CDC25C: variants seen among roughly 807,000 people sequenced by gnomAD.
CDC25C encodes the protein M-phase inducer phosphatase 3.
Under a neutral mutation model 52.5 loss-of-function variants are expected in CDC25C, and 48 were observed. That is an observed-to-expected ratio of 0.91 (90% CI 0.72 to 1.16). The LOEUF (loss-of-function observed/expected upper bound fraction) is 1.16. Among genes scored for constraint, CDC25C ranks in the 50% most tolerant of loss-of-function variants. The probability of loss-of-function intolerance (pLI) is 0.00; values close to 1 mark genes in which losing one functional copy is unlikely to be tolerated. For synonymous variants in CDC25C, 187 were observed against 206.5 expected, an observed-to-expected ratio of 0.91 and a Z score of 0.81; for missense variants, 510 against 566.1, an observed-to-expected ratio of 0.90 and a Z score of 1.01.
chr5:138,338,154 ATGGGTGGCT>A (rs1269565498), exon 1 of CDC25C: 54 of 1,289,626 alleles, frequency 4.2e-5, no homozygotes, highest in Non-Finnish European at 4.6e-5. Flanking sequence ...TGCGCCCTCC[ATGGGTGGCT>A]TGGGGGGATT....
At chr5:138,318,796 C>T (rs1580788726) in intron 7 of CDC25C, among the ~76,000 whole-genome samples, 1 of 152,192 alleles carries the variant, frequency 6.6e-6, no homozygotes, top group African/African-American at 2.4e-5. Flanking sequence ...GTACTTGAGT[C>T]TTTATATACC....
chr5:138,290,607 C>G (rs370236779), intron 9 of CDC25C, 32 bp downstream of exon 9: 2 of 1,187,592 alleles, frequency 1.7e-6, no homozygotes, highest in African/African-American at 1.5e-5. Flanking sequence ...AAATGACTCA[C>G]TGAAATACAG....
At position 138,326,064 on chromosome 5, in the gene CDC25C, AAAAC is replaced by A. The variant is rs1176641203; in HGVS notation, c.336-14_336-11del. The A allele has an allele frequency of 6.2e-7, 1 of 1,613,990 alleles. No homozygotes were observed. Reference sequence around the variant, plus strand: ...GTGCTGGTCATGATTCCTGCAGATTAAAACAAACTGCCTGTCAGGTTAGTCCCAA... The same window carrying A: ...GTGCTGGTCATGATTCCTGCAGATTAAAACTGCCTGTCAGGTTAGTCCCAA... On this transcript the variant is annotated splice_polypyrimidine_tract_variant and intron_variant, in intron 4 of 13. Transcript: ENST00000323760.
chr5:138,319,393 A>G lies in CDC25C; in HGVS notation c.460-19T>C, dbSNP rs1759166366. ...CATTGTCCTGTCAAGTATATTGACA[A>G]CATTAAAAACTATTCAAAATATATC... On this transcript the variant is annotated intron_variant, in intron 6 of 13. Coordinates refer to ENST00000323760, the MANE Select transcript of CDC25C (RefSeq NM_001790.5). 1.3e-6 allele frequency: 2 copies of G among 1,572,350 alleles called. No homozygotes were observed. Among genetic ancestry groups the G allele is most frequent in the Non-Finnish European group, 1.7e-6 (2 of 1,155,010 alleles).
At chr5:138,291,934 A>G (rs11567991) in intron 8 of CDC25C, 36 bp downstream of exon 8, 48,772 of 1,572,304 alleles carry the variant, frequency 0.031, 888 homozygotes, top group Middle Eastern at 0.05. Flanking sequence ...CATGAGATAG[A>G]AGATGAACAA....
intron 6 of CDC25C, 122 bp downstream of exon 6, chr5:138,325,693 G>T (rs959066105): frequency 1.3e-5 from 9 of 714,822 alleles, no homozygotes; most frequent in African/African-American, 1.8e-5. Context: ...CTCCCCTATA[G>T]TAATACAGTT....
chr5:138,326,967 A>G lies in CDC25C; in HGVS notation c.336-913T>C, dbSNP rs1759924013. Reference sequence around the variant, plus strand: ...AACTCCGTCTCAAAAAAAAAAAAAAAAAAAAAAGGCTGGGCGCGGGGGCTC... The same window carrying G: ...AACTCCGTCTCAAAAAAAAAAAAAAGAAAAAAAGGCTGGGCGCGGGGGCTC... On this transcript the variant is annotated intron_variant, in intron 4 of 13. Transcript: ENST00000323760. Among the ~76,000 whole-genome samples the G allele has an allele frequency of 2.0e-5, 3 of 150,460 alleles. No homozygotes were observed. In the South Asian group the frequency reaches 6.3e-4, roughly 32 times the overall value.
rs114446154 is a variant in CDC25C, at chr5:138,295,304, C to T, written c.616-3188G>A. Among the ~76,000 whole-genome samples the T allele has an allele frequency of 5.0e-3, 754 of 152,248 alleles. 6 individuals are homozygous for T. The highest frequency in any genetic ancestry group is 0.016 in the African/African-American group (683 of 41,550). ...ATAAATGATAGCAGAAAACTACTTT[C>T]GCAAACAGAAACAGCTACTTCAGCG... On this transcript the variant is annotated intron_variant, in intron 7 of 13. Coordinates refer to ENST00000323760, the MANE Select transcript of CDC25C (RefSeq NM_001790.5).
At chr5:138,317,723 CA>C (rs1554118662) in intron 7 of CDC25C, among the ~76,000 whole-genome samples, 1 of 131,700 alleles carries the variant, frequency 7.6e-6, no homozygotes, top group Admixed American at 7.6e-5. Flanking sequence ...AACCAAAAAC[CA>C]AAAAAAGCTA....
At chr5:138,322,741 C>T (rs947145549) in intron 6 of CDC25C, among the ~76,000 whole-genome samples, 4 of 144,088 alleles carry the variant, frequency 2.8e-5, no homozygotes, top group African/African-American at 4.9e-5. Flanking sequence ...TCCCAAAGTG[C>T]TGGAATTACA....
At position 138,328,472 on chromosome 5, in the gene CDC25C, A is replaced by T. The variant is rs779134021; in HGVS notation, c.335+12T>A. ...GGCTTTTGTGTGGGGTTCATTTAAC[A>T]ACAGAACTTACATCCCAGCTAAATG... On this transcript the variant is annotated intron_variant, in intron 4 of 13. Transcript: ENST00000323760. 17 of 1,613,060 alleles carry T rather than the reference A, an allele frequency of 1.1e-5. No individual in the cohort carries two copies. In the South Asian group the frequency reaches 1.2e-4, roughly 11 times the overall value.
exon 1 of CDC25C, chr5:138,338,154 A>T: frequency 2.3e-6 from 3 of 1,289,746 alleles, no homozygotes; most frequent in South Asian, 1.2e-5. Flanking sequence ...TGCGCCCTCC[A>T]TGGGTGGCTT....
chr5:138,290,995 C>T (rs945324936), intron 8 of CDC25C, among the ~76,000 whole-genome samples: 5 of 151,892 alleles, frequency 3.3e-5, no homozygotes, highest in African/African-American at 1.2e-4. Flanking sequence ...ATTGAGGCTG[C>T]AGTGAGTCAA....
At chr5:138,304,971 C>G (rs1367144267) in intron 7 of CDC25C, among the ~76,000 whole-genome samples, 2 of 152,156 alleles carry the variant, frequency 1.3e-5, no homozygotes, top group African/African-American at 4.8e-5. Context: ...CCTAAAGACC[C>G]TGCGTGATCT....
At chr5:138,309,415 G>A (rs1318169336) in intron 7 of CDC25C, among the ~76,000 whole-genome samples, 1 of 151,696 alleles carries the variant, frequency 6.6e-6, no homozygotes, top group African/African-American at 2.4e-5. Context: ...AAATTAGCTG[G>A]GGGTGGTGGT....
Position 138,296,177 on chromosome 5 carries a change from A to G in CDC25C, c.616-4061T>C, listed in dbSNP as rs185417439. On this transcript the variant is annotated intron_variant, in intron 7 of 13. Transcript: ENST00000323760. ...ACCTCATGTCGGCTTCCGTTAAGTT[A>G]GCTACTCCATTTTTGATGGCTTTAA... 2.0e-5 allele frequency among the ~76,000 whole-genome samples: 3 copies of G among 152,196 alleles called. No individual in the cohort carries two copies. The East Asian group carries it at 5.8e-4, about 29-fold the overall frequency.
intron 7 of CDC25C, among the ~76,000 whole-genome samples, chr5:138,318,285 C>G (rs1008490588): frequency 2.0e-5 from 3 of 152,088 alleles, no homozygotes; most frequent in Non-Finnish European, 4.4e-5. Context: ...TGCACTCCAG[C>G]CTAGGTGACA....
At chr5:138,308,215 G>A (rs1016458093) in intron 7 of CDC25C, among the ~76,000 whole-genome samples, 1 of 152,098 alleles carries the variant, frequency 6.6e-6, no homozygotes, top group Non-Finnish European at 1.5e-5. Context: ...TCTATTTTAA[G>A]TCCATGCTTC....
chr5:138,336,889 G>T (rs1479845581), intron 1 of CDC25C: 2 of 151,832 alleles, frequency 1.3e-5, no homozygotes, highest in East Asian at 3.9e-4. Flanking sequence ...AGACTTGGTG[G>T]CTCCTGCCTC....
Sources: gnomAD v4.1 joint callset for allele counts (sites outside exome capture counted in the v4.1 genomes callset) on GRCh38, gnomAD v4.1.1 for gene constraint, MANE v1.5 for transcripts, NCBI Gene and HGNC (gene_info 2026-07-23, HGNC 2026-07-21) for gene names.